The following CADPS2 variants were observed in gnomAD, a reference collection of about 807,000 sequenced individuals.
The protein encoded by CADPS2 is calcium dependent secretion activator 2.
In CADPS2, 93 loss-of-function variants were observed where a neutral mutation model predicts 172.5. That is an observed-to-expected ratio of 0.54 (90% CI 0.46 to 0.64). CADPS2 has a LOEUF of 0.64. Among genes scored for constraint, CADPS2 ranks in the 30% least tolerant of loss-of-function variants. The pLI is 0.00. For synonymous variants in CADPS2, 546 were observed against 555.2 expected (o/e 0.98, Z 0.23); for missense variants, 1,420 against 1,565.9 (o/e 0.91, Z 1.57).
intron 2 of CADPS2, among the ~76,000 whole-genome samples, chr7:122,695,510 C>A (rs566635194): frequency 6.6e-6 from 1 of 152,280 alleles, no homozygotes; most frequent in Non-Finnish European, 1.5e-5. Context: ...CTGTTTACAA[C>A]ATTCTAAACA....
At chr7:122,677,025 TCTGC>T in intron 2 of CADPS2, among the ~76,000 whole-genome samples, 1 of 152,186 alleles carries the variant, frequency 6.6e-6, no homozygotes, top group Non-Finnish European at 1.5e-5. Flanking sequence ...CCCTCCACAC[TCTGC>T]GTACATTCCC....
intron 8 of CADPS2, among the ~76,000 whole-genome samples, chr7:122,550,174 T>G (rs2064088243): frequency 1.3e-5 from 2 of 152,208 alleles, no homozygotes; most frequent in Admixed American, 1.3e-4. Flanking sequence ...GTCTCGTTTT[T>G]CTGCTGGAAG....
chr7:122,407,940 AAAGAAAT>A (rs2046845780), intron 19 of CADPS2: 1 of 422,450 alleles, frequency 2.4e-6, no homozygotes. Flanking sequence ...TTCCTTTATA[AAAGAAAT>A]ACATGATTAG....
rs912634230 is a variant in CADPS2 at position 122,356,095 on chromosome 7, G to C, written c.3504+4693C>G. Among the ~76,000 whole-genome samples, 11 of 152,184 alleles carry C rather than the reference G, an allele frequency of 7.2e-5. No individual in the cohort carries two copies. The South Asian group carries it at 1.9e-3, about 26-fold the overall frequency. ...CACAATATTATTAACTGAAGTGTGA[G>C]CTTTATTCAGTTTCCCTTCGTTTTT... On this transcript the variant is annotated intron_variant, in intron 27 of 29. Coordinates refer to ENST00000449022, the MANE Select transcript of CADPS2 (RefSeq NM_017954.11).
At chr7:122,593,746 T>C (rs186704506) in intron 6 of CADPS2, among the ~76,000 whole-genome samples, 5 of 150,420 alleles carry the variant, frequency 3.3e-5, no homozygotes, top group Admixed American at 1.3e-4. Context: ...GAGAGAGCAA[T>C]AGAGACGTCA....
chr7:122,717,928 C>T (rs1290377590), intron 2 of CADPS2, among the ~76,000 whole-genome samples: 9 of 150,340 alleles, frequency 6.0e-5, no homozygotes, highest in South Asian at 4.2e-4. Flanking sequence ...TCTGCTTCAG[C>T]CTCCCGAGTT....
intron 8 of CADPS2, among the ~76,000 whole-genome samples, chr7:122,545,546 AT>A (rs35888537): frequency 7.3e-5 from 11 of 150,436 alleles, no homozygotes; most frequent in East Asian, 3.9e-4. Context: ...AAGCAACTGA[AT>A]TTTTTTTTTA....
chr7:122,400,268 T>C (rs1397241395), intron 20 of CADPS2, among the ~76,000 whole-genome samples: 1 of 151,700 alleles, frequency 6.6e-6, no homozygotes, highest in Non-Finnish European at 1.5e-5. Context: ...AAACTCCATC[T>C]CTACCAAAAA....
intron 2 of CADPS2, among the ~76,000 whole-genome samples, chr7:122,699,539 C>T (rs56413347): frequency 0.013 from 2,028 of 152,232 alleles, 42 homozygotes; most frequent in African/African-American, 0.046. Context: ...GTAAAAGTCA[C>T]ACTGCTAATT....
At chr7:122,605,420 C>A (rs1224175143) in intron 6 of CADPS2, among the ~76,000 whole-genome samples, 3 of 152,122 alleles carry the variant, frequency 2.0e-5, no homozygotes, top group Admixed American at 6.6e-5. Flanking sequence ...TGCAGTCCAT[C>A]ATTGACTGAA....
Position 122,886,417 on chromosome 7 carries a change from A to T in CADPS2, c.-80T>A. The stretch of plus-strand genomic sequence containing the variant: ...GCGGCTGCGCCCGCGGGTCTGAGGG[A>T]GCCGCGGGGCTGGCTGCAGCGGCCG... On this transcript the variant is annotated 5_prime_UTR_variant, in exon 1 of 30. Coordinates refer to ENST00000449022, the MANE Select transcript of CADPS2 (RefSeq NM_017954.11). 7.0e-7 allele frequency: 1 copy of T among 1,422,496 alleles called. No individual in the cohort carries two copies. Among genetic ancestry groups the T allele is most frequent in the Non-Finnish European group, 9.1e-7 (1 of 1,101,426 alleles). 88.1% of individuals were successfully genotyped at this position (1,422,496 alleles called of 1,614,324 possible).
chr7:122,874,612 T>C (rs549463826), intron 1 of CADPS2, among the ~76,000 whole-genome samples: 1 of 152,276 alleles, frequency 6.6e-6, no homozygotes, highest in African/African-American at 2.4e-5. Context: ...GGAGCCATCA[T>C]GCTGACTGAC....
intron 15 of CADPS2, among the ~76,000 whole-genome samples, chr7:122,445,958 CA>C (rs2052134175): frequency 6.6e-6 from 1 of 152,258 alleles, no homozygotes; most frequent in East Asian, 1.9e-4. Context: ...TGGATGACTT[CA>C]AAAAATTTGT....
intron 14 of CADPS2, among the ~76,000 whole-genome samples, chr7:122,469,495 G>T (rs2152139773): frequency 6.6e-6 from 1 of 152,192 alleles, no homozygotes; most frequent in African/African-American, 2.4e-5. Flanking sequence ...TAGCCACCCT[G>T]ACTGACCCCT....
intron 25 of CADPS2, among the ~76,000 whole-genome samples, chr7:122,376,903 T>G (rs2042433371): frequency 6.6e-6 from 1 of 152,224 alleles, no homozygotes; most frequent in South Asian, 2.1e-4. Context: ...TAAAATGGTT[T>G]TAAAAATATC....
intron 8 of CADPS2, among the ~76,000 whole-genome samples, chr7:122,538,239 C>T (rs912446900): frequency 3.3e-5 from 5 of 151,256 alleles, no homozygotes; most frequent in Non-Finnish European, 7.4e-5. Context: ...GATTCCTAGA[C>T]TGAAAATCAC....
At chr7:122,703,302 T>C (rs1402897113) in intron 2 of CADPS2, among the ~76,000 whole-genome samples, 1 of 152,130 alleles carries the variant, frequency 6.6e-6, no homozygotes, top group African/African-American at 2.4e-5. Context: ...CCAGTTTTCA[T>C]GCATGGTTCA....
chr7:122,678,361 A>G (rs2135735047), intron 2 of CADPS2, among the ~76,000 whole-genome samples: 1 of 152,338 alleles, frequency 6.6e-6, no homozygotes, highest in East Asian at 1.9e-4. Context: ...AGCTGCACAG[A>G]CAAAACCAAC....
intron 2 of CADPS2, among the ~76,000 whole-genome samples, chr7:122,714,210 A>AG (rs2089242107): frequency 6.6e-6 from 1 of 152,240 alleles, no homozygotes; most frequent in East Asian, 1.9e-4. Context: ...TTATACTAAC[A>AG]GATTACTCAG....
Sources: gnomAD v4.1 joint callset for allele counts (sites outside exome capture counted in the v4.1 genomes callset) on GRCh38, gnomAD v4.1.1 for gene constraint, MANE v1.5 for transcripts, NCBI Gene and HGNC (gene_info 2026-07-23, HGNC 2026-07-21) for gene names.